The following ZNF107 variants were observed in gnomAD, a reference collection of about 807,000 sequenced individuals.
ZNF107 encodes C2H2 type zinc-finger protein.
A neutral mutation model predicts 12.3 loss-of-function variants in ZNF107; 19 were observed. The ratio of observed to expected loss-of-function variants is 1.55; its 90% CI spans 1.08 to 2.27. The LOEUF (loss-of-function observed/expected upper bound fraction) is 2.27, where lower values mean the gene tolerates loss of function less well. ZNF107 is among the 30% of genes most tolerant of loss of function. The probability of loss-of-function intolerance (pLI) is 0.00; values close to 1 mark genes in which losing one functional copy is unlikely to be tolerated. For synonymous variants in ZNF107, 317 were observed against 330.5 expected, an observed-to-expected ratio of 0.96 and a Z score of 0.44; for missense variants, 958 against 979.9, an observed-to-expected ratio of 0.98 and a Z score of 0.30.
In ZNF107 at chr7:64,691,312, C is replaced by G; in HGVS notation, c.68C>G (p.Thr23Ser). ...CTGGAGGAGTGGCAATGCCTGGATA[C>G]TGCACAGCGGGATTTATATAGGAAT... ...FSLEEWQCLD[T>S]AQRDLYRNVL... The change falls in exon 2 of 4, where the codon ACT becomes AGT. Residue 23 changes from threonine to serine, a missense_variant. By Grantham distance (58) the Thr-to-Ser change is moderately conservative. Transcript: ENST00000620827. 6.4e-7 allele frequency: 1 copy of G among 1,551,484 alleles called. No individual in the cohort carries two copies. Among genetic ancestry groups the G allele is most frequent in the South Asian group, 1.2e-5 (1 of 82,738 alleles).
chr7:64,690,509 A>G, intron 1 of ZNF107: 1 of 983,096 alleles, frequency 1.0e-6, no homozygotes, highest in African/African-American at 1.8e-5. Context: ...CCACAAGGAG[A>G]TAAATGGGAA....
intron 3 of ZNF107, among the ~76,000 whole-genome samples, chr7:64,699,501 T>C (rs1364324835): frequency 1.3e-5 from 2 of 152,166 alleles, no homozygotes; most frequent in African/African-American, 4.8e-5. Flanking sequence ...ACTGGCTCAC[T>C]GCAGCCTCAG....
At chr7:64,687,163 A>G (rs1584477064) in intron 1 of ZNF107, 1 of 985,756 alleles carries the variant, frequency 1.0e-6, no homozygotes, top group African/African-American at 1.7e-5. Flanking sequence ...TCTTGAATGC[A>G]TTGGGTGTCT....
chr7:64,703,779 T>C (rs1012107160), intron 3 of ZNF107, among the ~76,000 whole-genome samples: 3 of 152,074 alleles, frequency 2.0e-5, no homozygotes, highest in Non-Finnish European at 4.4e-5. Flanking sequence ...GAATTATATA[T>C]ATATTTAAAT....
chr7:64,695,434 A>C (rs926268743), intron 3 of ZNF107, among the ~76,000 whole-genome samples: 1 of 152,194 alleles, frequency 6.6e-6, no homozygotes, highest in African/African-American at 2.4e-5. Flanking sequence ...ATTGCAAAAA[A>C]GATTTCATGA....
At chr7:64,686,235 A>G (rs754915726) in intron 1 of ZNF107, among the ~76,000 whole-genome samples, 2 of 152,126 alleles carry the variant, frequency 1.3e-5, no homozygotes, top group Non-Finnish European at 2.9e-5. Flanking sequence ...AAATCAGACA[A>G]TGTCTTTCAG....
At position 64,707,118 on chromosome 7, in the gene ZNF107, T is replaced by C. The variant is rs1479041638; in HGVS notation, c.1021T>C (p.Tyr341His). 1 of 1,613,280 alleles carries C rather than the reference T, an allele frequency of 6.2e-7. No individual in the cohort carries two copies. Among genetic ancestry groups the C allele is most frequent in the South Asian group, 1.1e-5 (1 of 90,956 alleles). The change falls in exon 4 of 4, where the codon TAC (tyrosine) becomes CAC (histidine). Residue 341 changes from tyrosine to histidine, a missense_variant. Tyr to His is a moderately conservative substitution (Grantham distance 83, BLOSUM62 2). Coordinates refer to ENST00000620827, the MANE Select transcript of ZNF107 (RefSeq NM_001282359.2). Reference sequence around the variant, plus strand: ...GAGAATTCATGCTGGGGAGAAACCCTACAAATGTAAAGAATGTGGCAGAGC... The same window carrying C: ...GAGAATTCATGCTGGGGAGAAACCCCACAAATGTAAAGAATGTGGCAGAGC... ...HKRIHAGEKP[Y>H]KCKECGRAFN...
intron 3 of ZNF107, among the ~76,000 whole-genome samples, chr7:64,702,590 C>T (rs182527598): frequency 1.1e-3 from 170 of 151,230 alleles, no homozygotes; most frequent in Admixed American, 3.9e-3. Context: ...GACAAAGTTT[C>T]GCTCTTGTTC....
At chr7:64,673,787 A>G (rs1193745671) in intron 1 of ZNF107, among the ~76,000 whole-genome samples, 1 of 152,208 alleles carries the variant, frequency 6.6e-6, no homozygotes, top group East Asian at 1.9e-4. Context: ...TGTTCTACAT[A>G]GTGTTAGCTA....
chr7:64,690,350 C>G (rs1395256791), intron 1 of ZNF107: 1 of 983,040 alleles, frequency 1.0e-6, no homozygotes, highest in Admixed American at 6.3e-5. Context: ...AGGGTTTACT[C>G]CCAGCTGCAG....
chr7:64,709,758 A>G lies in ZNF107; in HGVS notation c.*1102A>G. The G allele has an allele frequency of 2.2e-6, 1 of 454,556 alleles. No homozygotes were observed. The highest frequency in any genetic ancestry group is 4.4e-6 in the Non-Finnish European group (1 of 226,448). The allele number at this position is 454,556 out of a possible 1,614,324, so 28.2% of individuals were successfully genotyped here. On this transcript the variant is annotated 3_prime_UTR_variant, in exon 4 of 4. Transcript: ENST00000620827. ...GCTCAGATTTTACTCAACATTAGAGAGTTAGTACGTAATAAAAGCATTATA... is the reference window on the plus strand; with the variant it reads ...GCTCAGATTTTACTCAACATTAGAGGGTTAGTACGTAATAAAAGCATTATA...
chr7:64,670,058 C>T (rs1033577204), intron 1 of ZNF107, among the ~76,000 whole-genome samples: 7 of 152,062 alleles, frequency 4.6e-5, no homozygotes, highest in African/African-American at 7.2e-5. Context: ...CCCTGGACGT[C>T]GGGGGACCCA....
In ZNF107 at chr7:64,675,985, G is replaced by C. The variant is rs1789401561; in HGVS notation, c.3+9700G>C. 1.3e-5 allele frequency among the ~76,000 whole-genome samples: 2 copies of C among 152,142 alleles called. 1 individual carries two copies. Among genetic ancestry groups the C allele is most frequent in the South Asian group, 4.2e-4 (2 of 4,818 alleles). ...CTGTGCCTCAGCCTCCTGAGTAGCT[G>C]GGATTACAGGCATGCACCACCACGC... is the stretch of plus-strand genomic sequence containing the variant. On this transcript the variant is annotated intron_variant, in intron 1 of 3. Transcript: ENST00000620827.
chr7:64,709,711 T>C lies in ZNF107; in HGVS notation c.*1055T>C, dbSNP rs928012032. On this transcript the variant is annotated 3_prime_UTR_variant, in exon 4 of 4. Transcript: ENST00000620827. Reference sequence around the variant, plus strand: ...AGAAAGATTGTACAAATACAAGGAATGTGGAAAAGCCATTATTATCTGCTC... The same window carrying C: ...AGAAAGATTGTACAAATACAAGGAACGTGGAAAAGCCATTATTATCTGCTC... The C allele has an allele frequency of 2.4e-5, 11 of 455,764 alleles. No homozygotes were observed. Among genetic ancestry groups the C allele is most frequent in the African/African-American group, 2.2e-4 (11 of 50,054 alleles). The allele number at this position is 455,764 out of a possible 1,614,324, so 28.2% of individuals were successfully genotyped here.
chr7:64,680,294 C>A (rs1210501930), intron 1 of ZNF107, among the ~76,000 whole-genome samples: 4 of 152,102 alleles, frequency 2.6e-5, no homozygotes, highest in African/African-American at 9.7e-5. Context: ...TAAATATATC[C>A]AGGAATTTCA....
chr7:64,679,903 A>G (rs1789585853), intron 1 of ZNF107, among the ~76,000 whole-genome samples: 1 of 152,052 alleles, frequency 6.6e-6, no homozygotes, highest in Non-Finnish European at 1.5e-5. Context: ...CTTGTTCCCA[A>G]TGCAATTTGT....
At chr7:64,688,207 C>T (rs769789095) in intron 1 of ZNF107, among the ~76,000 whole-genome samples, 9 of 151,608 alleles carry the variant, frequency 5.9e-5, no homozygotes, top group Admixed American at 4.6e-4. Context: ...CCCAGAGTAA[C>T]GTGTGCCTTA....
Position 64,708,081 on chromosome 7 carries a change from T to C in ZNF107, c.1984T>C (p.Ser662Pro). Residue 662 changes from serine (S) to proline (P), a missense_variant, in exon 4 of 4, where the codon TCA (serine) becomes CCA (proline). By Grantham distance (74) the Ser-to-Pro change is moderately conservative. Transcript: ENST00000620827. ...EEHGKAFNLF[S>P]NITNHKIIYT... ...ACATGGAAAAGCTTTTAACCTATTC[T>C]CAAACATTACTAACCATAAGATAAT... is the stretch of plus-strand genomic sequence containing the variant. 1 of 1,613,420 alleles carries C rather than the reference T, an allele frequency of 6.2e-7. No homozygotes were observed. The highest frequency in any genetic ancestry group is 8.5e-7 in the Non-Finnish European group (1 of 1,179,646).
intron 3 of ZNF107, among the ~76,000 whole-genome samples, chr7:64,694,127 T>C (rs992385498): frequency 6.6e-6 from 1 of 152,170 alleles, no homozygotes; most frequent in Non-Finnish European, 1.5e-5. Context: ...GACCATGAAC[T>C]GTGGATCAGG....
Sources: allele counts gnomAD v4.1 joint callset (sites outside exome capture counted in the v4.1 genomes callset), GRCh38; gene constraint gnomAD v4.1.1; transcripts MANE v1.5; gene names NCBI Gene and HGNC (gene_info 2026-07-23, HGNC 2026-07-21).